SETD2: variants seen among roughly 807,000 people sequenced by gnomAD.
SETD2 encodes SET domain containing 2, histone lysine methyltransferase.
A neutral mutation model predicts 242.1 loss-of-function variants in SETD2; 31 were observed. The observed-to-expected ratio is 0.13, with a 90% CI of 0.10 to 0.17. The LOEUF (loss-of-function observed/expected upper bound fraction) is 0.17. Ranked by LOEUF, SETD2 falls within the 10% of genes least tolerant of loss-of-function variation. SETD2 has a pLI of 1.00. For synonymous variants in SETD2, 1,006 were observed against 1,066.5 expected (o/e 0.94, Z 1.11); for missense variants, 2,481 against 3,046.3 (o/e 0.81, Z 4.37).
At chr3:47,117,128 G>T (rs930844931) in intron 3 of SETD2, among the ~76,000 whole-genome samples, 17 of 152,048 alleles carry the variant, frequency 1.1e-4, no homozygotes, top group African/African-American at 4.1e-4. Flanking sequence ...ACTTCCCAAA[G>T]TGCTGCAATC....
chr3:47,035,266 G>A (rs909943025), intron 18 of SETD2, among the ~76,000 whole-genome samples: 2 of 152,186 alleles, frequency 1.3e-5, no homozygotes, highest in African/African-American at 4.8e-5. Flanking sequence ...CTTGGGTGCT[G>A]AGCAGACCTA....
rs544001770 is a variant in SETD2 at position 47,142,961 on chromosome 3, C to T, written c.72-16298G>A. On this transcript the variant is annotated intron_variant, in intron 1 of 20. Transcript: ENST00000409792. ...CTGGGATTACAGGCGTGAGCCACTGCGCCTGGCTCATTGGCTTCTTATTTT... is the reference window on the plus strand; with the variant it reads ...CTGGGATTACAGGCGTGAGCCACTGTGCCTGGCTCATTGGCTTCTTATTTT... Among the ~76,000 whole-genome samples the T allele has an allele frequency of 2.6e-5, 4 of 152,158 alleles. No individual in the cohort carries two copies. The South Asian group carries it at 6.2e-4, about 24-fold the overall frequency.
chr3:47,148,123 TTGTTG>T (rs2043903898), intron 1 of SETD2, among the ~76,000 whole-genome samples: 1 of 141,818 alleles, frequency 7.1e-6, no homozygotes, highest in African/African-American at 2.6e-5. Flanking sequence ...GTTGTTGTTG[TTGTTG>T]TTGTTGTTGT....
intron 4 of SETD2, 66 bp downstream of exon 4, chr3:47,116,557 T>G: frequency 1.3e-6 from 2 of 1,488,964 alleles, no homozygotes; most frequent in African/African-American, 2.8e-5. Flanking sequence ...TCTTCATTGA[T>G]AATTCAATAT....
rs947205107 is a variant in SETD2, at chr3:47,111,080, A to T, written c.4715+2796T>A. Reference sequence around the variant, plus strand: ...CTTGTGTCCAAACTGTGGTTCCTTTAAAAAAAAAAAAAAAAAAAAAAAAAA... The same window carrying T: ...CTTGTGTCCAAACTGTGGTTCCTTTTAAAAAAAAAAAAAAAAAAAAAAAAA... On this transcript the variant is annotated intron_variant, in intron 5 of 20. Transcript: ENST00000409792. Among the ~76,000 whole-genome samples, 21 of 45,374 alleles carry T rather than the reference A, an allele frequency of 4.6e-4. No individual in the cohort carries two copies. The South Asian group carries it at 0.012, about 27-fold the overall frequency. 29.8% of individuals were successfully genotyped at this position (45,374 alleles called of 152,430 possible).
At chr3:47,084,526 G>T in intron 11 of SETD2, 144 bp from the exon 12 acceptor site, 1 of 605,090 alleles carries the variant, frequency 1.7e-6, no homozygotes, top group Admixed American at 3.0e-5. Flanking sequence ...CTGGGTTCAA[G>T]CAATTCTCCT....
intron 18 of SETD2, among the ~76,000 whole-genome samples, chr3:47,037,145 T>A (rs2039043529): frequency 6.7e-6 from 1 of 149,958 alleles, no homozygotes; most frequent in Non-Finnish European, 1.5e-5. Flanking sequence ...TTATTATTAT[T>A]ATACTTTAAG....
chr3:47,100,658 C>T (rs563132421), intron 8 of SETD2, among the ~76,000 whole-genome samples: 1 of 152,262 alleles, frequency 6.6e-6, no homozygotes, highest in East Asian at 1.9e-4. Flanking sequence ...TAAGAACTCT[C>T]ACACTTTTTG....
intron 18 of SETD2, among the ~76,000 whole-genome samples, chr3:47,024,922 G>A (rs1575652366): frequency 6.6e-6 from 1 of 152,160 alleles, no homozygotes; most frequent in Admixed American, 6.5e-5. Context: ...ACAAGACAAT[G>A]AAGGGAACAA....
Position 47,122,237 on chromosome 3 carries a change from C to T in SETD2, c.2399G>A (p.Ser800Asn), listed in dbSNP as rs1169288572. The change falls in exon 3 of 21, where the codon AGC (serine) becomes AAC (asparagine). Residue 800 changes from serine to asparagine, a missense_variant. Coordinates refer to ENST00000409792, the MANE Select transcript of SETD2 (RefSeq NM_014159.7). ...DSDIYCTLNDSNPSLCNSEAE... is the reference protein window; with the variant it reads ...DSDIYCTLNDNNPSLCNSEAE... ...TTCAGAGTTACACAAAGAAGGGTTG[C>T]TATCGTTCAAAGTACAGTATATGTC... is the stretch of plus-strand genomic sequence containing the variant. 6 of 1,613,982 alleles carry T rather than the reference C, an allele frequency of 3.7e-6. No individual in the cohort carries two copies. The East Asian group carries it at 8.9e-5, about 24-fold the overall frequency.
At chr3:47,142,387 T>C (rs1244477823) in intron 1 of SETD2, among the ~76,000 whole-genome samples, 2 of 152,028 alleles carry the variant, frequency 1.3e-5, no homozygotes, top group Non-Finnish European at 2.9e-5. Flanking sequence ...TGTGCGCCTG[T>C]AGTCCCAGCT....
intron 14 of SETD2, 142 bp from the exon 15 acceptor site, chr3:47,057,632 A>G (rs898759540): frequency 4.3e-5 from 27 of 626,314 alleles, no homozygotes; most frequent in Middle Eastern, 4.0e-4. Context: ...TATACTCAAA[A>G]TTACTCAGCT....
At chr3:47,162,875 A>T (rs1697535749) in intron 1 of SETD2, among the ~76,000 whole-genome samples, 1 of 152,252 alleles carries the variant, frequency 6.6e-6, no homozygotes, top group Non-Finnish European at 1.5e-5. Flanking sequence ...GATAGCAGAT[A>T]CAGCAGCAGA....
At chr3:47,074,381 C>A (rs762875219) in intron 12 of SETD2, among the ~76,000 whole-genome samples, 11 of 152,102 alleles carry the variant, frequency 7.2e-5, no homozygotes, top group Admixed American at 1.3e-4. Context: ...GCAGAAATAG[C>A]CTGTTTTTAA....
chr3:47,094,860 T>G (rs977343296), intron 9 of SETD2, among the ~76,000 whole-genome samples: 6 of 152,210 alleles, frequency 3.9e-5, no homozygotes. Flanking sequence ...ACAAGTTACA[T>G]CTAATTCAGT....
intron 7 of SETD2, 71 bp from the exon 8 acceptor site, chr3:47,101,626 G>A (rs561039891): frequency 4.8e-6 from 4 of 839,414 alleles, no homozygotes; most frequent in African/African-American, 1.7e-5. Context: ...GTGTGTGTGT[G>A]TGTGTGTGCG....
chr3:47,044,344 C>CAAAAAAAAAAAAAAAAAAAAAAAA (rs59408277), intron 16 of SETD2, among the ~76,000 whole-genome samples: 4 of 33,948 alleles, frequency 1.2e-4, no homozygotes, highest in Non-Finnish European at 1.5e-4. Context: ...GACTTCATCT[C>CAAAAAAAAAAAAAAAAAAAAAAAA]AAAAAAAAAA....
intron 9 of SETD2, 34 bp from the exon 10 acceptor site, chr3:47,088,281 AC>A: frequency 6.4e-7 from 1 of 1,562,622 alleles, no homozygotes; most frequent in South Asian, 1.2e-5. Context: ...TTTTTATAAA[AC>A]AACAACAACA....
At chr3:47,037,111 G>A (rs2039040640) in intron 18 of SETD2, among the ~76,000 whole-genome samples, 1 of 112,276 alleles carries the variant, frequency 8.9e-6, no homozygotes. Context: ...GTTGTAATGG[G>A]ATTATTTTTT....
Sources: gnomAD v4.1 joint callset for allele counts (sites outside exome capture counted in the v4.1 genomes callset) on GRCh38, gnomAD v4.1.1 for gene constraint, MANE v1.5 for transcripts, NCBI Gene and HGNC (gene_info 2026-07-23, HGNC 2026-07-21) for gene names.